NAA11: variants seen among roughly 807,000 people sequenced by gnomAD.
NAA11 encodes N-alpha-acetyltransferase 11.
A neutral mutation model predicts 16.1 loss-of-function variants in NAA11; 15 were observed. The observed-to-expected ratio is 0.93, with a 90% CI of 0.62 to 1.44. The LOEUF (loss-of-function observed/expected upper bound fraction) is 1.44. Ranked by LOEUF, NAA11 falls within the 40% of genes most tolerant of loss-of-function variation. The pLI, the probability that NAA11 is intolerant of heterozygous loss-of-function variation, is 0.00. For missense variants in NAA11, 298 were observed against 291.3 expected, an observed-to-expected ratio of 1.02 and a Z score of -0.17; for synonymous variants, 122 against 112.4, an observed-to-expected ratio of 1.09 and a Z score of -0.54.
At chr4:79,169,644 C>A in the NAA11 span, among the ~76,000 whole-genome samples, 1 of 152,222 alleles carries the variant, frequency 6.6e-6, no homozygotes, top group East Asian at 1.9e-4. Context: ...ACCATAAAAA[C>A]CCTAGAAGAA....
downstream of NAA11, among the ~76,000 whole-genome samples, chr4:79,313,712 G>A (rs989965429): frequency 2.6e-5 from 4 of 152,230 alleles, no homozygotes; most frequent in East Asian, 5.8e-4. Flanking sequence ...TTTCAAAGAC[G>A]CATTCATGTC....
chr4:79,175,836 G>T, the NAA11 span, among the ~76,000 whole-genome samples: 1 of 150,158 alleles, frequency 6.7e-6, no homozygotes, highest in Non-Finnish European at 1.5e-5. Flanking sequence ...CTAATGTAAT[G>T]TGAGTTCACA....
chr4:79,322,010 C>G (rs1158389232), intron 1 of NAA11, among the ~76,000 whole-genome samples: 1 of 152,166 alleles, frequency 6.6e-6, no homozygotes, highest in Non-Finnish European at 1.5e-5. Context: ...TTCCCCTCTA[C>G]TCCACATCAC....
At chr4:79,193,166 C>T in the NAA11 span, among the ~76,000 whole-genome samples, 16 of 152,246 alleles carry the variant, frequency 1.1e-4, no homozygotes, top group African/African-American at 2.2e-4. Flanking sequence ...TTCTCCCACT[C>T]TGTAGGTTGC....
the NAA11 span, among the ~76,000 whole-genome samples, chr4:79,173,325 AGTGTTACATG>A: frequency 1.3e-5 from 2 of 152,064 alleles, no homozygotes; most frequent in Admixed American, 6.6e-5. Flanking sequence ...AGCTAATAAA[AGTGTTACATG>A]GTGGTACTCT....
chr4:79,198,830 T>C, the NAA11 span, among the ~76,000 whole-genome samples: 1 of 151,922 alleles, frequency 6.6e-6, no homozygotes, highest in Non-Finnish European at 1.5e-5. Flanking sequence ...AAATTTCCAA[T>C]TTTAATTCTT....
chr4:79,205,550 A>C, the NAA11 span, among the ~76,000 whole-genome samples: 1 of 151,980 alleles, frequency 6.6e-6, no homozygotes, highest in Admixed American at 6.6e-5. Flanking sequence ...ATTTTGTCCC[A>C]GTCTGTAAGT....
intron 2 of NAA11, among the ~76,000 whole-genome samples, chr4:79,273,813 C>T (rs188106577): frequency 1.5e-4 from 23 of 152,160 alleles, no homozygotes; most frequent in Admixed American, 5.2e-4. Context: ...CTTTTAAAAA[C>T]GTGCAGAAAT....
intron 2 of NAA11, among the ~76,000 whole-genome samples, chr4:79,290,745 T>C (rs1723061242): frequency 6.6e-6 from 1 of 152,126 alleles, no homozygotes; most frequent in Non-Finnish European, 1.5e-5. Context: ...TTGTGTATGA[T>C]TGAGGTCAGA....
intron 2 of NAA11, among the ~76,000 whole-genome samples, chr4:79,268,835 A>C: frequency 1.4e-5 from 2 of 141,164 alleles, no homozygotes; most frequent in East Asian, 2.2e-4. Flanking sequence ...ATATCTCCCA[A>C]TGCTATCCCT....
At chr4:79,194,558 G>C in the NAA11 span, among the ~76,000 whole-genome samples, 3 of 151,940 alleles carry the variant, frequency 2.0e-5, no homozygotes, top group Admixed American at 6.6e-5. Flanking sequence ...AGGCAAAAGA[G>C]TAAAGAGAAA....
chr4:79,308,776 C>T (rs757536062), intron 1 of NAA11: 1 of 151,666 alleles, frequency 6.6e-6, no homozygotes, highest in Non-Finnish European at 1.5e-5. Flanking sequence ...GGATTAAAAA[C>T]TAAAAAAAAA....
chr4:79,258,500 T>A (rs1722175268), intron 2 of NAA11, among the ~76,000 whole-genome samples: 1 of 152,122 alleles, frequency 6.6e-6, no homozygotes, highest in South Asian at 2.1e-4. Flanking sequence ...GGTCAAGGAG[T>A]GCTGACAGGA....
chr4:79,212,935 G>A, the NAA11 span, among the ~76,000 whole-genome samples: 4 of 152,106 alleles, frequency 2.6e-5, no homozygotes, highest in African/African-American at 9.6e-5. Context: ...TGTCCATAAA[G>A]CTTTATCTTA....
chr4:79,255,668 A>G (rs1722092238), intron 2 of NAA11, among the ~76,000 whole-genome samples: 1 of 152,194 alleles, frequency 6.6e-6, no homozygotes, highest in Admixed American at 6.5e-5. Flanking sequence ...ACAAGCCTCA[A>G]AGTGGAGTTT....
intron 1 of NAA11, chr4:79,298,996 G>A (rs566641294): frequency 6.6e-6 from 1 of 152,192 alleles, no homozygotes; most frequent in Non-Finnish European, 1.5e-5. Flanking sequence ...TTTTCTACTT[G>A]TTAGGTTATA....
At chr4:79,295,311 G>A (rs1303309534) in intron 1 of NAA11, among the ~76,000 whole-genome samples, 1 of 152,194 alleles carries the variant, frequency 6.6e-6, no homozygotes, top group Non-Finnish European at 1.5e-5. Context: ...TAGGACAAAT[G>A]TTCCAAGTCC....
At chr4:79,239,195 G>A (rs1721638495) in intron 2 of NAA11, among the ~76,000 whole-genome samples, 1 of 152,208 alleles carries the variant, frequency 6.6e-6, no homozygotes, top group Non-Finnish European at 1.5e-5. Flanking sequence ...GATTCAGTAT[G>A]AAGTGTCATT....
chr4:79,193,870 C>T, the NAA11 span, among the ~76,000 whole-genome samples: 8 of 152,064 alleles, frequency 5.3e-5, no homozygotes, highest in African/African-American at 1.9e-4. Context: ...ATGGAATGTT[C>T]TTCCATTTGT....
Sources: gnomAD v4.1 joint callset for allele counts (sites outside exome capture counted in the v4.1 genomes callset) on GRCh38, gnomAD v4.1.1 for gene constraint, MANE v1.5 for transcripts, NCBI Gene and HGNC (gene_info 2026-07-23, HGNC 2026-07-21) for gene names.